MAGEA11: variants seen among roughly 807,000 people sequenced by gnomAD.
The protein encoded by MAGEA11 is MAGE family member A11, also known as melanoma-associated antigen 11.
A neutral mutation model predicts 8.4 loss-of-function variants in MAGEA11; 1 was observed. The observed-to-expected ratio is 0.12, with a 90% CI of 0.04 to 0.57. The LOEUF is 0.57. Ranked by LOEUF, MAGEA11 falls within the 20% of genes least tolerant of loss-of-function variation. MAGEA11 has a pLI of 0.91. For missense variants in MAGEA11, 209 were observed against 317.3 expected, an observed-to-expected ratio of 0.66 and a Z score of 2.59; for synonymous variants, 127 against 119.3, an observed-to-expected ratio of 1.06 and a Z score of -0.42.
intron 3 of MAGEA11, among the ~76,000 whole-genome samples, chrX:149,715,243 C>T (rs1557362328): frequency 1.8e-5 from 2 of 111,680 alleles, no homozygotes; most frequent in Non-Finnish European, 3.8e-5. Context: ...AGGGGACCAT[C>T]CACTCCAAAA....
upstream of MAGEA11, among the ~76,000 whole-genome samples, chrX:149,708,990 T>TA (rs11422584): frequency 0.24 from 24,796 of 101,358 alleles, 2,839 homozygotes; most frequent in East Asian, 0.68. Flanking sequence ...CTATATTTTA[T>TA]AAAAAAAAAA....
At chrX:149,695,696 A>G (rs1482569288) in intron 1 of MAGEA11, among the ~76,000 whole-genome samples, 1 of 112,390 alleles carries the variant, frequency 8.9e-6, no homozygotes, top group Non-Finnish European at 1.9e-5. Context: ...CCTAAATGAG[A>G]TACTATTTCA....
At position 149,715,906 on chromosome X, in the gene MAGEA11, T is replaced by G. The variant is rs1285216620; in HGVS notation, c.420T>G (p.Ala140=). 1 of 1,209,516 alleles carries G rather than the reference T, an allele frequency of 8.3e-7. No individual in the cohort carries two copies. Among genetic ancestry groups the G allele is most frequent in the Non-Finnish European group, 1.1e-6 (1 of 895,156 alleles). ...EEDLGLVGAQ[A]LQAEEQEAAF... The stretch of plus-strand genomic sequence containing the variant: ...ACCTGGGCCTGGTGGGTGCACAGGC[T>G]CTCCAAGCTGAGGAGCAGGAGGCTG... The change falls in exon 5 of 5, where the codon GCT becomes GCG. Residue 140 remains alanine, a synonymous_variant. Coordinates refer to ENST00000355220, the MANE Select transcript of MAGEA11 (RefSeq NM_005366.5).
rs10126316 is a variant in MAGEA11 at position 149,717,010 on chromosome X, C to T, written c.*234C>T. On this transcript the variant is annotated 3_prime_UTR_variant, in exon 5 of 5. Coordinates refer to ENST00000355220, the MANE Select transcript of MAGEA11 (RefSeq NM_005366.5). ...GACTTGGAGATTTCTTTTTGTTTCC[C>T]TTTGGTAATTTTCAAATATTGTTCC... 145,899 of 322,593 alleles carry T rather than the reference C, an allele frequency of 0.45. 26,996 individuals carry two copies. Among genetic ancestry groups the T allele is most frequent in the African/African-American group, 0.71 (26,625 of 37,459 alleles). 26.6% of individuals were successfully genotyped at this position (322,593 alleles called of 1,213,427 possible). A position where few individuals can be genotyped will look rare whatever the true frequency, so the allele number is the denominator to read the frequency against.
intron 1 of MAGEA11, among the ~76,000 whole-genome samples, chrX:149,692,199 G>A (rs2090313247): frequency 8.9e-6 from 1 of 111,816 alleles, no homozygotes; most frequent in African/African-American, 3.3e-5. Flanking sequence ...TTGAGGTCAG[G>A]AGTTCGAGAC....
At chrX:149,699,997 A>G (rs1417957138) in intron 1 of MAGEA11, among the ~76,000 whole-genome samples, 4 of 111,298 alleles carry the variant, frequency 3.6e-5, no homozygotes, top group Non-Finnish European at 5.7e-5. Flanking sequence ...CTTTAAAACC[A>G]TCTGCTCTCA....
upstream of MAGEA11, among the ~76,000 whole-genome samples, chrX:149,710,344 A>G (rs941800242): frequency 5.3e-5 from 6 of 112,682 alleles, no homozygotes; most frequent in Non-Finnish European, 1.9e-5. Flanking sequence ...GGAACAGAAT[A>G]TTGCAAAGAT....
intron 1 of MAGEA11, among the ~76,000 whole-genome samples, chrX:149,706,786 G>A (rs1189043978): frequency 8.9e-6 from 1 of 112,151 alleles, no homozygotes; most frequent in Non-Finnish European, 1.9e-5. Context: ...AGGTGATGGG[G>A]GCTCAGAGAT....
At position 149,716,236 on chromosome X, in the gene MAGEA11, G is replaced by C. The variant is rs782086307; in HGVS notation, c.750G>C (p.Gly250=). ...KGLITKAEML[G]SVIKNYEDYF... Reference sequence around the variant, plus strand: ...TGATCACAAAGGCAGAAATGCTGGGGAGTGTCATCAAAAATTATGAGGACT... The same window carrying C: ...TGATCACAAAGGCAGAAATGCTGGGCAGTGTCATCAAAAATTATGAGGACT... The change falls in exon 5 of 5, where the codon GGG becomes GGC. Residue 250 remains glycine, a synonymous_variant. Transcript: ENST00000355220. 1 of 1,212,066 alleles carries C rather than the reference G, an allele frequency of 8.3e-7. No homozygotes were observed. Among genetic ancestry groups the C allele is most frequent in the South Asian group, 1.8e-5 (1 of 57,016 alleles).
At chrX:149,702,656 G>T (rs2090359602) in intron 1 of MAGEA11, among the ~76,000 whole-genome samples, 1 of 111,227 alleles carries the variant, frequency 9.0e-6, no homozygotes, top group Non-Finnish European at 1.9e-5. Context: ...TAATCGAGGT[G>T]ATTAATCCAT....
intron 1 of MAGEA11, among the ~76,000 whole-genome samples, chrX:149,701,755 G>T (rs969519438): frequency 1.8e-5 from 2 of 111,005 alleles, no homozygotes; most frequent in Non-Finnish European, 1.9e-5. Context: ...AAGGTGTAAG[G>T]AAGGGATCCA....
rs1178550101 is a variant in MAGEA11, at chrX:149,714,280, G to A, written c.97-201G>A. On this transcript the variant is annotated intron_variant, in intron 2 of 4. Transcript: ENST00000355220. ...ACCTTCAGGGAGATGAGGTCTTGGT[G>A]TAAAGGGATATGTCTGCTCATCTCA... The A allele has an allele frequency of 9.0e-6, 5 of 552,860 alleles. No individual in the cohort carries two copies. The African/African-American group carries it at 1.2e-4, about 13-fold the overall frequency. 45.6% of individuals were successfully genotyped at this position (552,860 alleles called of 1,213,427 possible). A position where few individuals can be genotyped will look rare whatever the true frequency, so the allele number is the denominator to read the frequency against.
chrX:149,703,298 C>T (rs1156488325), intron 1 of MAGEA11, among the ~76,000 whole-genome samples: 1 of 112,552 alleles, frequency 8.9e-6, no homozygotes, highest in Non-Finnish European at 1.9e-5. Context: ...AATACAAAAA[C>T]ATTTGTGCAA....
chrX:149,710,653 C>CT (rs1280711952), upstream of MAGEA11, among the ~76,000 whole-genome samples: 395 of 104,935 alleles, frequency 3.8e-3, 1 homozygote, highest in Non-Finnish European at 5.8e-3. Context: ...TTCTTTCTTT[C>CT]TTTTTTTTTT....
In MAGEA11 at chrX:149,712,333, G is replaced by C. The variant is rs1338569237; in HGVS notation, c.-18+171G>C. The stretch of plus-strand genomic sequence containing the variant: ...CTCTGCGAGTCTATGGTGTGACCCG[G>C]GCAGAGGCAGTTCCATAAAGGGTGG... On this transcript the variant is annotated intron_variant, in intron 1 of 4. Transcript: ENST00000355220. 2.7e-5 allele frequency among the ~76,000 whole-genome samples: 3 copies of C among 111,744 alleles called. No individual in the cohort carries two copies. In the East Asian group the frequency reaches 8.5e-4, roughly 32 times the overall value.
intron 1 of MAGEA11, among the ~76,000 whole-genome samples, chrX:149,704,876 C>T (rs1346297981): frequency 8.9e-6 from 1 of 112,706 alleles, no homozygotes; most frequent in Non-Finnish European, 1.9e-5. Context: ...CATGGTGGGG[C>T]AAGTAGGACG....
intron 1 of MAGEA11, 50 bp from the exon 2 acceptor site, chrX:149,713,093 G>GT (rs1557362062): frequency 0.012 from 9,369 of 809,697 alleles, 52 homozygotes; most frequent in South Asian, 0.043. Context: ...CCCCAGAACA[G>GT]CCCCCCCCCA....
chrX:149,715,025 G>T (rs2090420181), intron 3 of MAGEA11, among the ~76,000 whole-genome samples: 1 of 112,060 alleles, frequency 8.9e-6, no homozygotes, highest in South Asian at 3.8e-4. Flanking sequence ...AACCAAACAG[G>T]CTCCTTACCC....
At chrX:149,692,204 C>T (rs782077040) in intron 1 of MAGEA11, among the ~76,000 whole-genome samples, 7 of 111,516 alleles carry the variant, frequency 6.3e-5, no homozygotes, top group South Asian at 3.8e-4. Context: ...GTCAGGAGTT[C>T]GAGACCAGCC....
Sources: allele counts gnomAD v4.1 joint callset (sites outside exome capture counted in the v4.1 genomes callset), GRCh38; gene constraint gnomAD v4.1.1; transcripts MANE v1.5; gene names NCBI Gene and HGNC (gene_info 2026-07-23, HGNC 2026-07-21).